TSPEAR: variants seen among roughly 807,000 people sequenced by gnomAD.
TSPEAR encodes the protein thrombospondin-type laminin G domain and EAR repeat-containing protein.
Under a neutral mutation model 71.6 loss-of-function variants are expected in TSPEAR, and 69 were observed. That is an observed-to-expected ratio of 0.96 (90% CI 0.79 to 1.18). The LOEUF is 1.18. Among genes scored for constraint, TSPEAR ranks in the 50% most tolerant of loss-of-function variants. The pLI is 0.00. For synonymous variants in TSPEAR, 402 were observed against 387.2 expected (o/e 1.04, Z -0.45); for missense variants, 971 against 894.9 (o/e 1.09, Z -1.09).
At chr21:44,523,289 T>G (rs2052773881) in intron 8 of TSPEAR, among the ~76,000 whole-genome samples, 1 of 149,916 alleles carries the variant, frequency 6.7e-6, no homozygotes, top group Middle Eastern at 3.3e-3. Context: ...CAGTGAGGTA[T>G]TCAGTCAGTC....
chr21:44,550,494 TGAG>T lies in TSPEAR; in HGVS notation c.304-16574_304-16572del, dbSNP rs781921445. On this transcript the variant is annotated intron_variant, in intron 2 of 11. Transcript: ENST00000323084. Reference sequence around the variant, plus strand: ...TGTGGTCTGCAGCCAGGAAGCACCGTGAGGAGAAGCCAGGGCTCGCCCGCCCGG... The same window carrying T: ...TGTGGTCTGCAGCCAGGAAGCACCGTGAGAAGCCAGGGCTCGCCCGCCCGG... 250 of 824,850 alleles carry T rather than the reference TGAG, an allele frequency of 3.0e-4. 1 individual carries two copies. In the East Asian group the frequency reaches 3.2e-3, roughly 10 times the overall value. The allele number at this position is 824,850 out of a possible 1,614,324, so 51.1% of individuals were successfully genotyped here. A position where few individuals can be genotyped will look rare whatever the true frequency, so the allele number is the denominator to read the frequency against.
At chr21:44,666,958 T>G in intron 1 of TSPEAR, 1 of 1,520,920 alleles carries the variant, frequency 6.6e-7, no homozygotes, top group Non-Finnish European at 8.9e-7. Context: ...GGGCAGCCTT[T>G]ATACCTGGGC....
chr21:44,527,495 C>T lies in TSPEAR; in HGVS notation c.946G>A (p.Glu316Lys), dbSNP rs1292482231. 1.2e-6 allele frequency: 2 copies of T among 1,614,086 alleles called. No individual in the cohort carries two copies. Among genetic ancestry groups the T allele is most frequent in the African/African-American group, 2.7e-5 (2 of 74,936 alleles). ...TTGGTGGACAAGTTCTGATGCTCCT[C>T]CACGTAGTCCAGTCTTTCTTTGGCT... is the stretch of plus-strand genomic sequence containing the variant. ...LAAKERLDYV[E>K]EHQNLSTNSE... The change falls in exon 7 of 12, where the codon GAG (glutamate) becomes AAG (lysine). Residue 316 changes from glutamate to lysine, a missense_variant. Transcript: ENST00000323084.
intron 1 of TSPEAR, among the ~76,000 whole-genome samples, chr21:44,599,134 T>TTCCCTCTCTCTCTCTCTCTCTC (rs1980575358): frequency 1.1e-5 from 1 of 92,280 alleles, no homozygotes; most frequent in African/African-American, 3.3e-5. Flanking sequence ...GGCCCCCATT[T>TTCCCTCTCTCTCTCTCTCTCTC]TCTCTCTCTC....
chr21:44,528,835 G>C (rs587728993), intron 5 of TSPEAR, among the ~76,000 whole-genome samples: 1 of 152,246 alleles, frequency 6.6e-6, no homozygotes, highest in Non-Finnish European at 1.5e-5. Flanking sequence ...TCTGAAAGGC[G>C]TGGCTTTCCA....
At chr21:44,639,262 G>GA (rs1325682104) in intron 1 of TSPEAR, among the ~76,000 whole-genome samples, 1 of 152,194 alleles carries the variant, frequency 6.6e-6, no homozygotes, top group Non-Finnish European at 1.5e-5. Context: ...CTCCGTCCCA[G>GA]ATGCCACGTC....
intron 10 of TSPEAR, among the ~76,000 whole-genome samples, chr21:44,505,551 A>C (rs1555911792): frequency 1.4e-4 from 5 of 35,834 alleles, no homozygotes; most frequent in African/African-American, 3.4e-4. Context: ...CCCAGTAAAC[A>C]TCACCCCCTC....
intron 1 of TSPEAR, among the ~76,000 whole-genome samples, chr21:44,587,693 C>T (rs1375569397): frequency 6.6e-6 from 1 of 152,160 alleles, no homozygotes; most frequent in Non-Finnish European, 1.5e-5. Flanking sequence ...ACCAATGGAA[C>T]AGAATAGAGA....
intron 11 of TSPEAR, 29 bp downstream of exon 11, chr21:44,504,751 G>A (rs782424396): frequency 6.4e-7 from 1 of 1,559,216 alleles, no homozygotes; most frequent in African/African-American, 1.4e-5. Flanking sequence ...CAAGGCTCTG[G>A]GAGGAGGCCG....
chr21:44,540,978 ATTT>A (rs201197414), intron 2 of TSPEAR, among the ~76,000 whole-genome samples: 1 of 141,570 alleles, frequency 7.1e-6, no homozygotes. Flanking sequence ...TCTTAAATTT[ATTT>A]TTTTTTTTTT....
intron 1 of TSPEAR, among the ~76,000 whole-genome samples, chr21:44,572,203 G>A (rs929959843): frequency 3.9e-5 from 6 of 152,198 alleles, no homozygotes; most frequent in African/African-American, 1.2e-4. Context: ...GGTCAAGGTC[G>A]CTGAGGCCAA....
rs2053062601 is a variant in TSPEAR, at chr21:44,534,922, C to T, written c.304-999G>A. On this transcript the variant is annotated intron_variant, in intron 2 of 11. Transcript: ENST00000323084. ...GTAAACGCAGTGTGGTCCAACCACA[C>T]AGTGGAATATTAGTCAGCCATAAAG... Among the ~76,000 whole-genome samples the T allele has an allele frequency of 2.0e-5, 3 of 152,166 alleles. No homozygotes were observed. The South Asian group carries it at 6.2e-4, about 32-fold the overall frequency.
intron 1 of TSPEAR, chr21:44,646,935 C>T: frequency 5.0e-6 from 8 of 1,613,312 alleles, no homozygotes; most frequent in Non-Finnish European, 6.8e-6. Context: ...GCTGTGTGTC[C>T]ACCTGCTCTG....
chr21:44,585,155 GTGGTAAACTTTC>G (rs1338845835), intron 1 of TSPEAR, among the ~76,000 whole-genome samples: 2 of 152,194 alleles, frequency 1.3e-5, no homozygotes, highest in Non-Finnish European at 2.9e-5. Flanking sequence ...AGCGTCATGG[GTGGTAAACTTTC>G]TGGATCCCTG....
intron 2 of TSPEAR, among the ~76,000 whole-genome samples, chr21:44,553,004 G>C (rs1392786660): frequency 6.6e-6 from 1 of 152,234 alleles, no homozygotes; most frequent in Admixed American, 6.5e-5. Flanking sequence ...GTATGAGGGG[G>C]AGGGTCCCAC....
At chr21:44,627,887 G>A (rs781878509) in intron 1 of TSPEAR, 15 of 1,612,978 alleles carry the variant, frequency 9.3e-6, no homozygotes, top group Non-Finnish European at 1.2e-5. Context: ...CGCCCTGTGT[G>A]CAGGCCCGCC....
chr21:44,531,187 T>C, intron 3 of TSPEAR, 54 bp from the exon 4 acceptor site: 1 of 1,442,756 alleles, frequency 6.9e-7, no homozygotes, highest in Non-Finnish European at 9.7e-7. Context: ...CACCCCAGTT[T>C]ACTCACAGAA....
intron 1 of TSPEAR, among the ~76,000 whole-genome samples, chr21:44,621,343 A>G (rs1423026300): frequency 6.6e-6 from 1 of 152,228 alleles, no homozygotes; most frequent in Non-Finnish European, 1.5e-5. Context: ...TTTGTTTCAT[A>G]TACATTGGTG....
intron 1 of TSPEAR, among the ~76,000 whole-genome samples, chr21:44,674,770 G>A (rs1601553531): frequency 1.3e-5 from 2 of 149,016 alleles, no homozygotes; most frequent in East Asian, 3.9e-4. Flanking sequence ...GTGTGTGTGT[G>A]TGTGTGTGTG....
Sources: gnomAD v4.1 joint callset for allele counts (sites outside exome capture counted in the v4.1 genomes callset) on GRCh38, gnomAD v4.1.1 for gene constraint, MANE v1.5 for transcripts, NCBI Gene and HGNC (gene_info 2026-07-23, HGNC 2026-07-21) for gene names.